DPH6: variants seen among roughly 807,000 people sequenced by gnomAD.
DPH6 encodes the protein diphthine--ammonia ligase.
In DPH6, 33 loss-of-function variants were observed where a neutral mutation model predicts 38.2. That is an observed-to-expected ratio of 0.86 (90% confidence interval 0.65 to 1.15). The LOEUF (loss-of-function observed/expected upper bound fraction) is 1.15, where lower values mean the gene tolerates loss of function less well. DPH6 is among the 50% of genes most tolerant of loss of function. The pLI is 0.00. For missense variants in DPH6, 325 were observed against 320.0 expected (o/e 1.02, Z -0.12); for synonymous variants, 108 against 103.0 (o/e 1.05, Z -0.30).
At chr15:35,456,225 TGACATAGA>T (rs1387607481) in intron 3 of DPH6, among the ~76,000 whole-genome samples, 2 of 152,096 alleles carry the variant, frequency 1.3e-5, no homozygotes. Flanking sequence ...GAAAAAGTCA[TGACATAGA>T]GTTCCTTATT....
At chr15:35,527,366 G>A (rs899354377) in intron 3 of DPH6, among the ~76,000 whole-genome samples, 1 of 152,102 alleles carries the variant, frequency 6.6e-6, no homozygotes, top group Admixed American at 6.6e-5. Flanking sequence ...AATTCCAGAG[G>A]AGTAGAGTTT....
At chr15:35,446,155 C>G (rs2053849174) in intron 5 of DPH6, among the ~76,000 whole-genome samples, 1 of 151,314 alleles carries the variant, frequency 6.6e-6, no homozygotes, top group Non-Finnish European at 1.5e-5. Flanking sequence ...ATTTTGTAAA[C>G]AGATGACATA....
intron 3 of DPH6, among the ~76,000 whole-genome samples, chr15:35,244,242 C>A (rs1040825891): frequency 6.6e-6 from 1 of 152,178 alleles, no homozygotes. Flanking sequence ...CAAACTAGTT[C>A]TTACTATGGC....
At chr15:35,207,973 A>G in the DPH6 span, among the ~76,000 whole-genome samples, 10 of 152,184 alleles carry the variant, frequency 6.6e-5, no homozygotes, top group Non-Finnish European at 1.3e-4. Flanking sequence ...TTCAAGCTCT[A>G]TTACGATGAC....
chr15:35,298,945 T>C, intron 3 of DPH6: 1 of 788,840 alleles, frequency 1.3e-6, no homozygotes, highest in Non-Finnish European at 2.3e-6. Flanking sequence ...CCGCCCATAC[T>C]TGTTTTCCTC....
chr15:35,262,292 A>G (rs2051752028), intron 3 of DPH6, among the ~76,000 whole-genome samples: 1 of 152,244 alleles, frequency 6.6e-6, no homozygotes, highest in Admixed American at 6.5e-5. Context: ...CTTAAAAAAT[A>G]AGATAAACAC....
At chr15:35,535,981 CTT>C (rs1424225551) in intron 3 of DPH6, among the ~76,000 whole-genome samples, 1 of 151,912 alleles carries the variant, frequency 6.6e-6, no homozygotes, top group East Asian at 1.9e-4. Flanking sequence ...AAAAACAAGA[CTT>C]ATGTGTGAAA....
At chr15:35,185,873 C>T in the DPH6 span, among the ~76,000 whole-genome samples, 1 of 151,508 alleles carries the variant, frequency 6.6e-6, no homozygotes, top group Non-Finnish European at 1.5e-5. Flanking sequence ...GCTGGGACTA[C>T]GGGCGCCCGC....
chr15:35,252,169 G>A (rs982774293), intron 3 of DPH6, among the ~76,000 whole-genome samples: 2 of 152,038 alleles, frequency 1.3e-5, no homozygotes, highest in Non-Finnish European at 2.9e-5. Flanking sequence ...AAATACTTCC[G>A]TAATACAATA....
rs555543935 is a variant in DPH6 at position 35,525,337 on chromosome 15, A to G, written c.312+12937T>C. On this transcript the variant is annotated intron_variant, in intron 3 of 8. Transcript: ENST00000256538. ...CCATCCCTGGCCCCCATCACTTCTT[A>G]CCTGAAATTTAAGATGCTTTATACT... Among the ~76,000 whole-genome samples the G allele has an allele frequency of 2.6e-5, 4 of 152,086 alleles. No homozygotes were observed. The South Asian group carries it at 6.2e-4, about 24-fold the overall frequency.
chr15:35,448,381 G>A (rs1037575), intron 5 of DPH6, among the ~76,000 whole-genome samples: 91,936 of 152,052 alleles, frequency 0.6, 33,641 homozygotes, highest in South Asian at 0.84. Flanking sequence ...TGATAATCAA[G>A]ATTCACTGTG....
chr15:35,359,566 C>T (rs771395932), intron 3 of DPH6, among the ~76,000 whole-genome samples: 21 of 152,190 alleles, frequency 1.4e-4, no homozygotes, highest in Non-Finnish European at 2.9e-4. Context: ...TCCTCCACCC[C>T]TGTATTTTGC....
chr15:35,427,082 G>A (rs777884204), intron 5 of DPH6, among the ~76,000 whole-genome samples: 1 of 151,786 alleles, frequency 6.6e-6, no homozygotes, highest in Non-Finnish European at 1.5e-5. Flanking sequence ...TAGGACTAAC[G>A]GCTGAGTTTC....
the DPH6 span, among the ~76,000 whole-genome samples, chr15:35,172,369 T>G: frequency 1.3e-5 from 2 of 152,204 alleles, no homozygotes; most frequent in Admixed American, 6.5e-5. Flanking sequence ...AAACAAGGTG[T>G]TTAGGGTAAC....
At chr15:35,516,651 T>C (rs541443558) in intron 3 of DPH6, among the ~76,000 whole-genome samples, 8 of 152,314 alleles carry the variant, frequency 5.3e-5, no homozygotes, top group African/African-American at 1.2e-4. Context: ...GAACATATCA[T>C]TGATCATCAT....
At chr15:35,157,745 G>A in the DPH6 span, among the ~76,000 whole-genome samples, 1 of 152,002 alleles carries the variant, frequency 6.6e-6, no homozygotes. Context: ...AATTGACCCT[G>A]AATCTTAGTG....
At chr15:35,363,727 G>T (rs2052633512) in intron 3 of DPH6, among the ~76,000 whole-genome samples, 1 of 150,804 alleles carries the variant, frequency 6.6e-6, no homozygotes, top group African/African-American at 2.4e-5. Context: ...TTTTTCTATT[G>T]CCTTTTAAAA....
At chr15:35,324,627 A>C (rs768185407) in intron 3 of DPH6, among the ~76,000 whole-genome samples, 14 of 152,214 alleles carry the variant, frequency 9.2e-5, no homozygotes, top group Non-Finnish European at 1.9e-4. Flanking sequence ...TGAAAGTGAG[A>C]ACATACATTG....
At chr15:35,340,202 C>T (rs2140876485) in intron 3 of DPH6, among the ~76,000 whole-genome samples, 1 of 152,214 alleles carries the variant, frequency 6.6e-6, no homozygotes, top group South Asian at 2.1e-4. Flanking sequence ...ATTGCAACCC[C>T]TGAGTTTTTT....
Sources: gnomAD v4.1 joint callset for allele counts (sites outside exome capture counted in the v4.1 genomes callset) on GRCh38, gnomAD v4.1.1 for gene constraint, MANE v1.5 for transcripts, NCBI Gene and HGNC (gene_info 2026-07-23, HGNC 2026-07-21) for gene names.